The following EML1 variants were observed in gnomAD, a reference collection of about 807,000 sequenced individuals.
EML1 encodes echinoderm microtubule-associated protein-like 1.
EML1 carries 27 observed loss-of-function variants against 110.4 expected under a neutral mutation model. That is an observed-to-expected ratio of 0.24 (90% CI 0.18 to 0.34). The LOEUF (loss-of-function observed/expected upper bound fraction) is 0.34. EML1 is among the 10% of genes least tolerant of loss of function. The pLI, the probability that EML1 is intolerant of heterozygous loss-of-function variation, is 1.00. For synonymous variants in EML1, 344 were observed against 385.8 expected, an observed-to-expected ratio of 0.89 and a Z score of 1.27; for missense variants, 741 against 1,030.9, an observed-to-expected ratio of 0.72 and a Z score of 3.85.
chr14:99,750,448 T>G (rs1200142463), intron 1 of EML1, among the ~76,000 whole-genome samples: 1 of 152,188 alleles, frequency 6.6e-6, no homozygotes, highest in Admixed American at 6.5e-5. Flanking sequence ...GGAGCATGAC[T>G]GAGGAATCAG....
At chr14:99,917,700 TGTGC>T (rs2140073094) in intron 15 of EML1, 78 bp from the exon 16 acceptor site, 1 of 1,158,790 alleles carries the variant, frequency 8.6e-7, no homozygotes, top group Non-Finnish European at 1.3e-6. Context: ...AGCGTTTGTG[TGTGC>T]ACGCACTCAC....
chr14:99,864,805 C>CAAAA (rs67480916), intron 2 of EML1, among the ~76,000 whole-genome samples: 1 of 99,044 alleles, frequency 1.0e-5, no homozygotes, highest in African/African-American at 3.8e-5. Flanking sequence ...AACTCTGTCT[C>CAAAA]AAAAAAAAAA....
chr14:99,810,438 C>T (rs1382534731), intron 1 of EML1, among the ~76,000 whole-genome samples: 6 of 152,206 alleles, frequency 3.9e-5, no homozygotes, highest in South Asian at 2.1e-4. Context: ...ATTTCGTCCT[C>T]GCAACCATTC....
At chr14:99,922,464 A>G (rs557738886) in intron 17 of EML1, among the ~76,000 whole-genome samples, 1 of 152,032 alleles carries the variant, frequency 6.6e-6, no homozygotes, top group Non-Finnish European at 1.5e-5. Context: ...TAATAATGCT[A>G]TGAACATTCA....
At position 99,784,543 on chromosome 14, in the gene EML1, G is replaced by A. The variant is rs892805375; in HGVS notation, c.-27+10530G>A. Among the ~76,000 whole-genome samples, 3 of 152,248 alleles carry A rather than the reference G, an allele frequency of 2.0e-5. No individual in the cohort carries two copies. The highest frequency in any genetic ancestry group is 4.4e-5 in the Non-Finnish European group (3 of 68,046). ...CCTACTGGGTTTCTTAGATAATAGA[G>A]TTGTCATATCCATTTGGACTATCAA... On this transcript the variant is annotated intron_variant, in intron 1 of 22. Transcript: ENST00000327921. The surrounding 1 kb of genome is among the most constrained non-coding windows in gnomAD (Gnocchi z 4.5).
chr14:99,850,930 G>A lies in EML1; in HGVS notation c.145G>A (p.Glu49Lys). ...ACTGGAGCAGAGAGTCCAGATGCAA[G>A]AAGACGACATCCAGCTGCTCAAATC... ...ASLEQRVQMQ[E>K]DDIQLLKSAL... is the part of the protein sequence containing the mutation. The change falls in exon 2 of 22, where the codon GAA (glutamate) becomes AAA (lysine). Residue 49 changes from glutamate to lysine, a missense_variant. Around this residue, in one of 4 missense-constraint regions of EML1, gnomAD observed 226 missense variants for 255.6 expected, o/e 0.88. Coordinates refer to ENST00000262233, the MANE Select transcript of EML1 (RefSeq NM_004434.3). The A allele has an allele frequency of 6.2e-7, 1 of 1,614,218 alleles. No homozygotes were observed. The highest frequency in any genetic ancestry group is 8.5e-7 in the Non-Finnish European group (1 of 1,180,038).
intron 1 of EML1, among the ~76,000 whole-genome samples, chr14:99,830,301 A>T (rs1377557899): frequency 6.6e-6 from 1 of 152,150 alleles, no homozygotes; most frequent in African/African-American, 2.4e-5. Context: ...TCTTAGAGAA[A>T]CATCTATTTA....
At chr14:99,803,338 T>C (rs529557468) in intron 1 of EML1, among the ~76,000 whole-genome samples, 1 of 152,326 alleles carries the variant, frequency 6.6e-6, no homozygotes, top group East Asian at 1.9e-4. Flanking sequence ...TCAATGTGTA[T>C]AGTATATACC....
At chr14:99,914,994 A>G (rs1296076656) in intron 15 of EML1, 1 of 403,758 alleles carries the variant, frequency 2.5e-6, no homozygotes, top group Admixed American at 4.5e-5. Context: ...CTAAGAGCTG[A>G]AAAATACTTG....
intron 1 of EML1, among the ~76,000 whole-genome samples, chr14:99,820,468 C>T (rs2058243145): frequency 6.6e-6 from 1 of 152,184 alleles, no homozygotes; most frequent in Non-Finnish European, 1.5e-5. Context: ...AGAGAAGAAT[C>T]TTGACATCTC....
At chr14:99,880,271 G>C (rs924291928) in intron 4 of EML1, among the ~76,000 whole-genome samples, 1 of 152,132 alleles carries the variant, frequency 6.6e-6, no homozygotes, top group Non-Finnish European at 1.5e-5. Context: ...CTCCTCTTAG[G>C]CAATTGCTGG....
Position 99,937,881 on chromosome 14 carries a change from C to G in EML1, c.2160C>G (p.Thr720=). 6.2e-7 allele frequency: 1 copy of G among 1,614,136 alleles called. No individual in the cohort carries two copies. The highest frequency in any genetic ancestry group is 8.5e-7 in the Non-Finnish European group (1 of 1,179,964). Residue 720 remains threonine, a synonymous_variant, in exon 20 of 22, where the codon ACC becomes ACG. Coordinates refer to ENST00000262233, the MANE Select transcript of EML1 (RefSeq NM_004434.3). The part of the protein sequence containing the change: ...VETTRDIEWA[T]YTCTLGFHVF... ...CTACAAGAGACATTGAATGGGCTAC[C>G]TATACCTGCACTTTGGGATTCCATG...
At chr14:99,926,631 C>T (rs2060239474) in intron 17 of EML1, among the ~76,000 whole-genome samples, 1 of 149,138 alleles carries the variant, frequency 6.7e-6, no homozygotes, top group African/African-American at 2.5e-5. Context: ...GAGATGAGGT[C>T]TTGCTATGTT....
chr14:99,861,038 G>A (rs2058995250), intron 2 of EML1, among the ~76,000 whole-genome samples: 1 of 152,142 alleles, frequency 6.6e-6, no homozygotes, highest in Admixed American at 6.5e-5. Flanking sequence ...ATTATTATGA[G>A]ATTGAATTTT....
intron 1 of EML1, among the ~76,000 whole-genome samples, chr14:99,839,447 G>C (rs747277497): frequency 8.5e-5 from 13 of 152,180 alleles, no homozygotes; most frequent in Non-Finnish European, 1.9e-4. Flanking sequence ...CCAGAAGGAT[G>C]CTCAATATCA....
At chr14:99,920,978 C>A in intron 17 of EML1, 101 bp downstream of exon 17, 1 of 1,096,272 alleles carries the variant, frequency 9.1e-7, no homozygotes, top group Non-Finnish European at 1.3e-6. Context: ...CATAGGTAAA[C>A]GTGTGCCATG....
rs532130977 is a variant in EML1 at position 99,939,463 on chromosome 14, C to A, written c.2322+136C>A. 3 of 1,396,160 alleles carry A rather than the reference C, an allele frequency of 2.1e-6. No individual in the cohort carries two copies. The highest frequency in any genetic ancestry group is 2.9e-6 in the Non-Finnish European group (3 of 1,037,844). The allele number at this position is 1,396,160 out of a possible 1,614,324, so 86.5% of individuals were successfully genotyped here. On this transcript the variant is annotated intron_variant, in intron 21 of 21. Transcript: ENST00000262233. The surrounding 1 kb of genome is among the most constrained non-coding windows in gnomAD (Gnocchi z 4.2). Reference sequence around the variant, plus strand: ...AAGGCAGATGTGACTCTGTTCTTTGCGCCCTGAGCACTTCCAGCCGCCCTT... The same window carrying A: ...AAGGCAGATGTGACTCTGTTCTTTGAGCCCTGAGCACTTCCAGCCGCCCTT...
At chr14:99,755,169 G>A (rs966105727) in intron 1 of EML1, among the ~76,000 whole-genome samples, 1 of 152,230 alleles carries the variant, frequency 6.6e-6, no homozygotes, top group Non-Finnish European at 1.5e-5. Context: ...GGCAACCAAA[G>A]GGTGGCATGA....
Position 99,921,357 on chromosome 14 carries a change from A to G in EML1, c.1909+480A>G, listed in dbSNP as rs369679490. On this transcript the variant is annotated intron_variant, in intron 17 of 21. Transcript: ENST00000262233. The stretch of plus-strand genomic sequence containing the variant: ...TTTGGGTTGATTCTGTGTCTTTGCT[A>G]TTGTATTCACTACTTTAAAATCCCA... Among the ~76,000 whole-genome samples the G allele has an allele frequency of 1.1e-4, 16 of 152,256 alleles. No homozygotes were observed. The East Asian group carries it at 1.9e-3, about 18-fold the overall frequency.
Sources: gnomAD v4.1 joint callset for allele counts (sites outside exome capture counted in the v4.1 genomes callset) on GRCh38, gnomAD v4.1.1 for gene constraint, gnomAD v4.1.1 regional missense constraint, Gnocchi (gnomAD v3.1) non-coding constraint, MANE v1.5 for transcripts, NCBI Gene and HGNC (gene_info 2026-07-23, HGNC 2026-07-21) for gene names.